Variants in KCNAB2 observed in about 807,000 individuals in gnomAD.
The protein encoded by KCNAB2 is voltage-gated potassium channel subunit beta-2.
Under a neutral mutation model 63.6 loss-of-function variants are expected in KCNAB2, and 29 were observed. That is an observed-to-expected ratio of 0.46 (90% CI 0.34 to 0.62). The LOEUF is 0.62. Among genes scored for constraint, KCNAB2 ranks in the 20% least tolerant of loss-of-function variants. KCNAB2 has a pLI of 0.01. For missense variants in KCNAB2, 359 were observed against 563.9 expected (o/e 0.64, Z 3.68); for synonymous variants, 222 against 224.2 (o/e 0.99, Z 0.09).
Position 6,096,620 on chromosome 1 carries a change from C to G in KCNAB2, c.949-16C>G. 6.2e-7 allele frequency: 1 copy of G among 1,607,838 alleles called. No individual in the cohort carries two copies. Among genetic ancestry groups the G allele is most frequent in the Non-Finnish European group, 8.5e-7 (1 of 1,177,540 alleles). On this transcript the variant is annotated splice_polypyrimidine_tract_variant and intron_variant, in intron 13 of 15. Transcript: ENST00000378083. This position sits in a 1 kb window ranked among gnomAD's most constrained non-coding sequence, Gnocchi z 5.9. ...CTCTCATCTGTAGCTGTGCTGCTCC[C>G]CTCCCCCGCAACCAGGGCTACCAGT...
intron 2 of KCNAB2, among the ~76,000 whole-genome samples, chr1:6,055,395 G>A (rs543561759): frequency 2.8e-4 from 38 of 133,752 alleles, no homozygotes; most frequent in South Asian, 9.5e-4. Flanking sequence ...TCGCTGTATC[G>A]CCCAGGCTAC....
chr1:6,087,593 G>A lies in KCNAB2; in HGVS notation c.470+82G>A, dbSNP rs1280797365. Reference sequence around the variant, plus strand: ...CTCCCCAGAGACCCCTGACCTAGAAGGCTCCTGGGGTGGCGGGAGGACAGT... The same window carrying A: ...CTCCCCAGAGACCCCTGACCTAGAAAGCTCCTGGGGTGGCGGGAGGACAGT... On this transcript the variant is annotated intron_variant, in intron 7 of 15. Coordinates refer to ENST00000378083, the MANE Select transcript of KCNAB2 (RefSeq NM_001199862.2). The surrounding 1 kb of genome is among the most constrained non-coding windows in gnomAD (Gnocchi z 6.4). The A allele has an allele frequency of 6.2e-6, 9 of 1,459,444 alleles. No homozygotes were observed. Among genetic ancestry groups the A allele is most frequent in the South Asian group, 5.7e-5 (5 of 87,892 alleles). 90.4% of individuals were successfully genotyped at this position (1,459,444 alleles called of 1,614,324 possible). A position where few individuals can be genotyped will look rare whatever the true frequency, so the allele number is the denominator to read the frequency against.
At chr1:6,080,739 TGCA>T (rs1286061117) in intron 4 of KCNAB2, among the ~76,000 whole-genome samples, 1 of 152,200 alleles carries the variant, frequency 6.6e-6, no homozygotes, top group African/African-American at 2.4e-5. Flanking sequence ...CCTTCCCACG[TGCA>T]GCATTTGGGC....
At chr1:6,007,377 G>A (rs921882807) in intron 1 of KCNAB2, 1 of 152,282 alleles carries the variant, frequency 6.6e-6, no homozygotes, top group African/African-American at 2.4e-5. Flanking sequence ...CCAGGACACT[G>A]GCCTCTTCTT....
At chr1:6,095,867 C>CA in intron 13 of KCNAB2, among the ~76,000 whole-genome samples, 1 of 90,280 alleles carries the variant, frequency 1.1e-5, no homozygotes, top group East Asian at 3.1e-4. Flanking sequence ...TTTCACATCC[C>CA]CCCCCCTGCC....
intron 1 of KCNAB2, among the ~76,000 whole-genome samples, chr1:6,019,153 G>C (rs1488246536): frequency 6.6e-6 from 1 of 151,854 alleles, no homozygotes; most frequent in Non-Finnish European, 1.5e-5. Context: ...TTAGCCGGGG[G>C]TGGTGGCACA....
intron 4 of KCNAB2, among the ~76,000 whole-genome samples, chr1:6,081,542 G>A (rs1664211373): frequency 6.6e-6 from 1 of 152,044 alleles, no homozygotes; most frequent in Non-Finnish European, 1.5e-5. Context: ...ACACCGTTCT[G>A]TCACCTTCTG....
intron 1 of KCNAB2, among the ~76,000 whole-genome samples, chr1:6,021,559 T>C (rs1030047094): frequency 1.3e-5 from 2 of 152,228 alleles, no homozygotes; most frequent in African/African-American, 4.8e-5. Flanking sequence ...GTATTGAGTA[T>C]ACAGTTCAGT....
At chr1:6,013,279 T>A (rs1218466309) in intron 1 of KCNAB2, among the ~76,000 whole-genome samples, 2 of 152,070 alleles carry the variant, frequency 1.3e-5, no homozygotes, top group African/African-American at 4.8e-5. Flanking sequence ...CTGGGGCCAG[T>A]CAGGTGAACA....
At chr1:6,082,317 G>A in intron 5 of KCNAB2, 43 bp downstream of exon 5, 1 of 1,470,276 alleles carries the variant, frequency 6.8e-7, no homozygotes, top group Non-Finnish European at 9.5e-7. Context: ...CAGAATGCCT[G>A]GGCAGAGCCG....
rs542555623 is a variant in KCNAB2 at position 6,022,796 on chromosome 1, C to T, written c.-52-17721C>T. Reference sequence around the variant, plus strand: ...TAGCAGAATGTTCTCGAGACTCATCCGTGTTGTACCATATGTCAGCATTTC... The same window carrying T: ...TAGCAGAATGTTCTCGAGACTCATCTGTGTTGTACCATATGTCAGCATTTC... On this transcript the variant is annotated intron_variant, in intron 1 of 16. Coordinates refer to the KCNAB2 transcript ENST00000341524. Among the ~76,000 whole-genome samples the T allele has an allele frequency of 1.4e-4, 22 of 151,958 alleles. No homozygotes were observed. In the East Asian group the frequency reaches 3.7e-3, roughly 25 times the overall value.
At chr1:6,005,601 C>A (rs1657620783) in intron 1 of KCNAB2, among the ~76,000 whole-genome samples, 1 of 151,888 alleles carries the variant, frequency 6.6e-6, no homozygotes, top group African/African-American at 2.4e-5. Context: ...CTCTCCCCTC[C>A]TGCTGGTGTA....
intron 1 of KCNAB2, among the ~76,000 whole-genome samples, chr1:5,998,444 A>G (rs1657055325): frequency 6.6e-6 from 1 of 152,126 alleles, no homozygotes; most frequent in African/African-American, 2.4e-5. Flanking sequence ...TGACATTGAG[A>G]AGGTAGGGCT....
intron 9 of KCNAB2, among the ~76,000 whole-genome samples, chr1:6,090,882 G>A (rs949726628): frequency 2.0e-5 from 3 of 152,178 alleles, no homozygotes; most frequent in Admixed American, 6.5e-5. Context: ...GGACTTTTTT[G>A]CTCTGGGGGA....
Position 6,096,284 on chromosome 1 carries a change from G to A in KCNAB2, c.949-352G>A. The A allele has an allele frequency of 2.6e-6, 1 of 388,038 alleles. No individual in the cohort carries two copies. The allele number at this position is 388,038 out of a possible 1,614,324, so 24.0% of individuals were successfully genotyped here. A position where few individuals can be genotyped will look rare whatever the true frequency, so the allele number is the denominator to read the frequency against. On this transcript the variant is annotated intron_variant, in intron 13 of 15. Coordinates refer to ENST00000378083, the MANE Select transcript of KCNAB2 (RefSeq NM_001199862.2). The surrounding 1 kb of genome is among the most constrained non-coding windows in gnomAD (Gnocchi z 5.9). The stretch of plus-strand genomic sequence containing the variant: ...AGAGAGCACTCCCCTAGGGCCAGGA[G>A]GTTCTTCTGGGCCACGGGTGGCAGC...
intron 2 of KCNAB2, among the ~76,000 whole-genome samples, chr1:6,065,180 C>T (rs939870329): frequency 4.6e-5 from 7 of 152,240 alleles, no homozygotes; most frequent in African/African-American, 1.7e-4. Context: ...GGAGCAAGCA[C>T]TGCCTTGCTT....
chr1:6,004,982 G>GAA (rs1557920925), intron 1 of KCNAB2, among the ~76,000 whole-genome samples: 3 of 110,394 alleles, frequency 2.7e-5, no homozygotes, highest in South Asian at 6.2e-4. Flanking sequence ...GGATGAGGGT[G>GAA]CAGGCAGAGA....
At chr1:6,075,901 C>T (rs1309276731) in intron 4 of KCNAB2, among the ~76,000 whole-genome samples, 1 of 152,226 alleles carries the variant, frequency 6.6e-6, no homozygotes, top group East Asian at 1.9e-4. Flanking sequence ...CCCCTGGTCA[C>T]CTCTAGTCTA....
At chr1:6,025,845 A>G (rs1659117314) in intron 1 of KCNAB2, among the ~76,000 whole-genome samples, 1 of 119,204 alleles carries the variant, frequency 8.4e-6, no homozygotes, top group South Asian at 2.7e-4. Flanking sequence ...ACCCCAGCAC[A>G]CAGCCGATCC....
Sources: allele counts gnomAD v4.1 joint callset (sites outside exome capture counted in the v4.1 genomes callset), GRCh38; gene constraint gnomAD v4.1.1; non-coding constraint Gnocchi (gnomAD v3.1); transcripts MANE v1.5; gene names NCBI Gene and HGNC (gene_info 2026-07-23, HGNC 2026-07-21).